OPRM1: variants seen among roughly 807,000 people sequenced by gnomAD.
The protein encoded by OPRM1 is mu-type opioid receptor.
In OPRM1, 27 loss-of-function variants were observed where a neutral mutation model predicts 31.8. The ratio of observed to expected loss-of-function variants is 0.85; its 90% CI spans 0.63 to 1.17. The LOEUF is 1.17. OPRM1 is among the 50% of genes most tolerant of loss of function. The probability of loss-of-function intolerance (pLI) is 0.00; values close to 1 mark genes in which losing one functional copy is unlikely to be tolerated. For missense variants in OPRM1, 536 were observed against 511.1 expected (o/e 1.05, Z -0.47); for synonymous variants, 196 against 189.9 (o/e 1.03, Z -0.26).
chr6:154,163,835 T>C lies in OPRM1; in HGVS notation c.1164+72363T>C, dbSNP rs563442856. On this transcript the variant is annotated intron_variant, in intron 3 of 3. Coordinates refer to the OPRM1 transcript ENST00000337049. ...ATAGATCAATAGCTGGATAGATAGATATTAATAGATAGATAGATAGATAGA... is the reference window on the plus strand; with the variant it reads ...ATAGATCAATAGCTGGATAGATAGACATTAATAGATAGATAGATAGATAGA... Among the ~76,000 whole-genome samples the C allele has an allele frequency of 9.2e-5, 14 of 152,282 alleles. No homozygotes were observed. In the South Asian group the frequency reaches 2.9e-3, roughly 32 times the overall value.
chr6:154,205,674 T>TTAG (rs1403902145), intron 3 of OPRM1, among the ~76,000 whole-genome samples: 7 of 152,336 alleles, frequency 4.6e-5, no homozygotes, highest in South Asian at 2.1e-4. Flanking sequence ...AACTAGTTAG[T>TTAG]GTATATGCTG....
At chr6:154,029,837 C>T (rs1444703705) in intron 1 of OPRM1, among the ~76,000 whole-genome samples, 1 of 152,150 alleles carries the variant, frequency 6.6e-6, no homozygotes, top group Non-Finnish European at 1.5e-5. Flanking sequence ...CCTTTGCTCT[C>T]CACTTCTCCT....
chr6:154,067,226 T>G (rs917843712), intron 1 of OPRM1, among the ~76,000 whole-genome samples: 1 of 152,062 alleles, frequency 6.6e-6, no homozygotes, highest in African/African-American at 2.4e-5. Context: ...CTTTGTTCTT[T>G]CTCTAGTTCC....
At chr6:154,191,746 T>G (rs1801908800) in intron 3 of OPRM1, among the ~76,000 whole-genome samples, 1 of 152,068 alleles carries the variant, frequency 6.6e-6, no homozygotes, top group African/African-American at 2.4e-5. Context: ...AGACTTTAGT[T>G]AATAAAAAAG....
At chr6:154,152,390 A>AAGAAAGAAAGAAAGAAAGAAAGAAAG (rs1360734115) in intron 3 of OPRM1, among the ~76,000 whole-genome samples, 10 of 126,294 alleles carry the variant, frequency 7.9e-5, no homozygotes, top group African/African-American at 3.1e-4. Flanking sequence ...GAAAGAAAGA[A>AAGAAAGAAAGAAAGAAAGAAAGAAAG]AGAGAAATAG....
At chr6:154,015,867 A>T (rs1417381824) in intron 1 of OPRM1, among the ~76,000 whole-genome samples, 1 of 152,082 alleles carries the variant, frequency 6.6e-6, no homozygotes, top group Admixed American at 6.6e-5. Flanking sequence ...GAGATGGTCA[A>T]CCTCACTGAT....
Position 154,012,763 on chromosome 6 carries a change from T to C in OPRM1, c.-1+1745T>C, listed in dbSNP as rs1033279889. Among the ~76,000 whole-genome samples the C allele has an allele frequency of 1.6e-4, 24 of 152,298 alleles. 1 individual carries two copies. The highest frequency in any genetic ancestry group is 1.2e-3 in the Admixed American group (19 of 15,292). The stretch of plus-strand genomic sequence containing the variant: ...ACTGGTGATTTAAACAACAGAAATT[T>C]ATTTCTCAAAGTTCTGGAGCCTGGG... On this transcript the variant is annotated intron_variant, in intron 1 of 5. Transcript: ENST00000434900.
intron 3 of OPRM1, among the ~76,000 whole-genome samples, chr6:154,194,721 T>C (rs1776445399): frequency 6.6e-6 from 1 of 152,198 alleles, no homozygotes; most frequent in African/African-American, 2.4e-5. Flanking sequence ...CTAAGTACTA[T>C]GAATGGCCTA....
chr6:154,010,785 G>A (rs1352989932), exon 1 of OPRM1: 9 of 1,411,070 alleles, frequency 6.4e-6, no homozygotes, highest in Non-Finnish European at 6.5e-6. Flanking sequence ...TCAAGTGGAT[G>A]TGGCAGAACT....
intron 1 of OPRM1, among the ~76,000 whole-genome samples, chr6:154,065,700 G>A (rs1170449600): frequency 6.6e-6 from 1 of 151,860 alleles, no homozygotes; most frequent in Non-Finnish European, 1.5e-5. Flanking sequence ...ATAAGATTAT[G>A]TCATCTGCAA....
In OPRM1 at chr6:154,125,351, C is replaced by T. The variant is rs1797527855; in HGVS notation, c.*6630C>T. On this transcript the variant is annotated 3_prime_UTR_variant, in exon 4 of 4. Transcript: ENST00000330432. The stretch of plus-strand genomic sequence containing the variant: ...GAATCAAATATCGTTTTCTACCTGC[C>T]CCACAACTGTGTACATAAAACCTAA... Among the ~76,000 whole-genome samples, 2 of 152,098 alleles carry T rather than the reference C, an allele frequency of 1.3e-5. 1 individual carries two copies. The highest frequency in any genetic ancestry group is 4.1e-4 in the South Asian group (2 of 4,832).
intron 1 of OPRM1, among the ~76,000 whole-genome samples, chr6:154,026,797 AT>A (rs1442403177): frequency 6.6e-6 from 1 of 152,068 alleles, no homozygotes; most frequent in Non-Finnish European, 1.5e-5. Flanking sequence ...CTGTTTTATT[AT>A]TTTTAATTAT....
downstream of OPRM1, among the ~76,000 whole-genome samples, chr6:154,132,832 A>G (rs1463574121): frequency 6.6e-6 from 1 of 152,158 alleles, no homozygotes; most frequent in Non-Finnish European, 1.5e-5. Flanking sequence ...TTATGGTAAG[A>G]AAAAAACGGC....
intron 3 of OPRM1, chr6:154,223,182 C>A (rs1371991845): frequency 1.2e-6 from 2 of 1,613,436 alleles, no homozygotes; most frequent in Non-Finnish European, 1.7e-6. Flanking sequence ...CTTTTTCTTG[C>A]ATTCAGATGC....
At chr6:154,175,525 C>G (rs1228540551) in intron 3 of OPRM1, among the ~76,000 whole-genome samples, 1 of 151,946 alleles carries the variant, frequency 6.6e-6, no homozygotes, top group Non-Finnish European at 1.5e-5. Flanking sequence ...AAACTACCAT[C>G]AGAGAATACT....
intron 3 of OPRM1, among the ~76,000 whole-genome samples, chr6:154,195,948 T>C (rs1412068374): frequency 1.3e-5 from 2 of 151,942 alleles, no homozygotes; most frequent in Non-Finnish European, 1.5e-5. Context: ...TGTGCCACCA[T>C]ACCTGGCTAA....
intron 3 of OPRM1, among the ~76,000 whole-genome samples, chr6:154,145,330 CA>C (rs1421896647): frequency 1.3e-5 from 2 of 152,168 alleles, no homozygotes; most frequent in African/African-American, 4.8e-5. Flanking sequence ...TGAAGATGAA[CA>C]GACACAAAAA....
intron 1 of OPRM1, among the ~76,000 whole-genome samples, chr6:154,060,450 T>C (rs1784169875): frequency 6.6e-6 from 1 of 152,222 alleles, no homozygotes; most frequent in South Asian, 2.1e-4. Flanking sequence ...GGGTCACTTA[T>C]GAAAAGTATG....
chr6:154,095,845 GTGCAATTTAA>G (rs983048902), intron 3 of OPRM1, among the ~76,000 whole-genome samples: 3 of 152,104 alleles, frequency 2.0e-5, no homozygotes, highest in Admixed American at 2.0e-4. Flanking sequence ...TCTGTTCTCA[GTGCAATTTAA>G]TTTCTCCACA....
Sources: gnomAD v4.1 joint callset for allele counts (sites outside exome capture counted in the v4.1 genomes callset) on GRCh38, gnomAD v4.1.1 for gene constraint, MANE v1.5 for transcripts, NCBI Gene and HGNC (gene_info 2026-07-23, HGNC 2026-07-21) for gene names.